Variants in GPC5 observed in about 807,000 individuals in gnomAD.
The protein encoded by GPC5 is glypican 5.
A neutral mutation model predicts 53.9 loss-of-function variants in GPC5; 47 were observed. The ratio of observed to expected loss-of-function variants is 0.87; its 90% CI spans 0.69 to 1.11. The LOEUF is 1.11. Ranked by LOEUF, GPC5 falls within the 50% of genes most tolerant of loss-of-function variation. The pLI is 0.00. For synonymous variants in GPC5, 286 were observed against 263.3 expected (o/e 1.09, Z -0.84); for missense variants, 748 against 713.1 (o/e 1.05, Z -0.56).
intron 6 of GPC5, among the ~76,000 whole-genome samples, chr13:92,120,391 G>A (rs553472441): frequency 6.6e-6 from 1 of 152,176 alleles, no homozygotes; most frequent in East Asian, 1.9e-4. Flanking sequence ...CTGGGTAGCT[G>A]GGACTACAGG....
At chr13:92,422,323 G>A (rs908236959) in intron 7 of GPC5, among the ~76,000 whole-genome samples, 1 of 151,986 alleles carries the variant, frequency 6.6e-6, no homozygotes, top group African/African-American at 2.4e-5. Flanking sequence ...TACACTTTAG[G>A]CAGATGTTTT....
intron 2 of GPC5, among the ~76,000 whole-genome samples, chr13:91,524,467 A>T (rs1471800597): frequency 6.6e-6 from 1 of 152,174 alleles, no homozygotes; most frequent in Non-Finnish European, 1.5e-5. Flanking sequence ...ATGAAAAATA[A>T]ATTTCCACTG....
At chr13:91,527,739 CA>C (rs2138642035) in intron 2 of GPC5, among the ~76,000 whole-genome samples, 1 of 152,362 alleles carries the variant, frequency 6.6e-6, no homozygotes, top group South Asian at 2.1e-4. Context: ...CAGGCATTTC[CA>C]TACATCCTCT....
intron 5 of GPC5, among the ~76,000 whole-genome samples, chr13:91,884,940 T>C (rs995238707): frequency 9.9e-5 from 15 of 152,212 alleles, no homozygotes; most frequent in Non-Finnish European, 2.1e-4. Context: ...TCTTACTATC[T>C]TGTTTTATAA....
chr13:91,985,069 GA>G (rs1373431376), intron 6 of GPC5, among the ~76,000 whole-genome samples: 1 of 152,148 alleles, frequency 6.6e-6, no homozygotes, highest in African/African-American at 2.4e-5. Flanking sequence ...ATTCAGCTAT[GA>G]TTATGCATTT....
chr13:92,640,203 C>CA (rs1325344074), intron 7 of GPC5, among the ~76,000 whole-genome samples: 1 of 151,838 alleles, frequency 6.6e-6, no homozygotes, highest in Non-Finnish European at 1.5e-5. Flanking sequence ...TAATTCTACC[C>CA]AAAAAAGAAG....
At chr13:91,534,125 G>T (rs1380815929) in intron 2 of GPC5, among the ~76,000 whole-genome samples, 1 of 152,114 alleles carries the variant, frequency 6.6e-6, no homozygotes, top group Non-Finnish European at 1.5e-5. Flanking sequence ...CTAAGGTTCG[G>T]ATATTTCATG....
intron 2 of GPC5, among the ~76,000 whole-genome samples, chr13:91,556,878 T>A (rs1355798716): frequency 2.0e-5 from 3 of 151,906 alleles, no homozygotes; most frequent in African/African-American, 7.3e-5. Context: ...TATATACTGC[T>A]CGGGTGATGG....
chr13:92,420,305 A>G (rs890464542), intron 7 of GPC5, among the ~76,000 whole-genome samples: 1 of 152,162 alleles, frequency 6.6e-6, no homozygotes, highest in African/African-American at 2.4e-5. Context: ...TATTCTTCTA[A>G]GAGAATTTCT....
At chr13:91,978,860 G>A (rs1460467970) in intron 6 of GPC5, among the ~76,000 whole-genome samples, 1 of 152,128 alleles carries the variant, frequency 6.6e-6, no homozygotes, top group Non-Finnish European at 1.5e-5. Context: ...ATAATGGCTT[G>A]GAATAAGATT....
chr13:92,815,161 A>G (rs1213101745), intron 7 of GPC5, among the ~76,000 whole-genome samples: 1 of 151,970 alleles, frequency 6.6e-6, no homozygotes, highest in Non-Finnish European at 1.5e-5. Context: ...AGAAAGAAAA[A>G]CATATAATAC....
At chr13:91,405,374 A>G (rs1877244024) in intron 1 of GPC5, among the ~76,000 whole-genome samples, 1 of 152,124 alleles carries the variant, frequency 6.6e-6, no homozygotes, top group Non-Finnish European at 1.5e-5. Flanking sequence ...GACTTTGCCA[A>G]CTGTCCCATG....
chr13:91,750,054 G>A (rs542330108), intron 4 of GPC5, among the ~76,000 whole-genome samples: 7 of 152,210 alleles, frequency 4.6e-5, no homozygotes, highest in East Asian at 3.9e-4. Context: ...AATTGATTCC[G>A]TCTGCCTCGG....
chr13:92,468,987 G>A (rs547250094), intron 7 of GPC5, among the ~76,000 whole-genome samples: 8 of 151,932 alleles, frequency 5.3e-5, no homozygotes, highest in Non-Finnish European at 8.8e-5. Flanking sequence ...TATTCCTATC[G>A]CACAAATTAT....
At chr13:92,655,482 G>A (rs1275509668) in intron 7 of GPC5, among the ~76,000 whole-genome samples, 1 of 152,038 alleles carries the variant, frequency 6.6e-6, no homozygotes, top group African/African-American at 2.4e-5. Context: ...TTACAGGCAT[G>A]TGCCACCATG....
At chr13:91,620,798 A>G (rs2139361962) in intron 2 of GPC5, among the ~76,000 whole-genome samples, 1 of 152,264 alleles carries the variant, frequency 6.6e-6, no homozygotes, top group Middle Eastern at 3.4e-3. Flanking sequence ...AAGTGGCCTC[A>G]CATATATGTG....
At chr13:92,713,006 T>C (rs568597951) in intron 7 of GPC5, among the ~76,000 whole-genome samples, 14 of 152,216 alleles carry the variant, frequency 9.2e-5, no homozygotes, top group Non-Finnish European at 1.8e-4. Context: ...TTTTTAAATT[T>C]ACTCCACCCA....
At chr13:91,822,167 A>G (rs1312676082) in intron 5 of GPC5, among the ~76,000 whole-genome samples, 1 of 152,196 alleles carries the variant, frequency 6.6e-6, no homozygotes, top group Non-Finnish European at 1.5e-5. Flanking sequence ...GACATCCCCA[A>G]AGTAGAAGTT....
In GPC5 at chr13:92,837,042, C is replaced by T. The variant is rs1050168016; in HGVS notation, c.1562-29240C>T. 2.0e-5 allele frequency among the ~76,000 whole-genome samples: 3 copies of T among 152,114 alleles called. No individual in the cohort carries two copies. The East Asian group carries it at 5.8e-4, about 29-fold the overall frequency. ...GGAAAGAAATTCATATACCTAGGCA[C>T]ATTATGGAAGAGACCTGATATCTAA... On this transcript the variant is annotated intron_variant, in intron 7 of 7. Transcript: ENST00000377067.
Sources: gnomAD v4.1 joint callset for allele counts (sites outside exome capture counted in the v4.1 genomes callset) on GRCh38, gnomAD v4.1.1 for gene constraint, MANE v1.5 for transcripts, NCBI Gene and HGNC (gene_info 2026-07-23, HGNC 2026-07-21) for gene names.